The following CDH4 variants were observed in gnomAD, a reference collection of about 807,000 sequenced individuals.
CDH4 encodes the protein cadherin 4, also known as cadherin-4.
A neutral mutation model predicts 86.0 loss-of-function variants in CDH4; 33 were observed. The ratio of observed to expected loss-of-function variants is 0.38; its 90% confidence interval spans 0.29 to 0.51. CDH4 has a LOEUF of 0.51. Among genes scored for constraint, CDH4 ranks in the 20% least tolerant of loss-of-function variants. CDH4 has a pLI of 0.86. For missense variants in CDH4, 1,114 were observed against 1,307.4 expected (o/e 0.85, Z 2.28); for synonymous variants, 555 against 549.4 (o/e 1.01, Z -0.14).
intron 2 of CDH4, among the ~76,000 whole-genome samples, chr20:61,737,082 C>T (rs1232294606): frequency 3.3e-5 from 5 of 152,132 alleles, no homozygotes; most frequent in Non-Finnish European, 7.4e-5. Context: ...CCTCAGCATT[C>T]GTTGCTCCTC....
At chr20:61,448,854 A>T (rs2085365817) in intron 2 of CDH4, among the ~76,000 whole-genome samples, 2 of 152,084 alleles carry the variant, frequency 1.3e-5, no homozygotes, top group South Asian at 4.2e-4. Flanking sequence ...GAGGTTAGTG[A>T]TGGGGAAATA....
chr20:61,819,022 C>A (rs561536231), intron 4 of CDH4, among the ~76,000 whole-genome samples: 1 of 152,332 alleles, frequency 6.6e-6, no homozygotes, highest in African/African-American at 2.4e-5. Context: ...CTGAGGTGGG[C>A]AGCACGGCAG....
intron 4 of CDH4, among the ~76,000 whole-genome samples, chr20:61,787,272 AG>A (rs1476098641): frequency 6.6e-6 from 1 of 152,252 alleles, no homozygotes; most frequent in Non-Finnish European, 1.5e-5. Flanking sequence ...TAAAGGAAAG[AG>A]GTTTAATTGA....
At chr20:61,580,722 CA>C (rs937828762) in intron 2 of CDH4, among the ~76,000 whole-genome samples, 2 of 152,140 alleles carry the variant, frequency 1.3e-5, no homozygotes, top group Non-Finnish European at 2.9e-5. Context: ...TCTTTGTTTC[CA>C]GACCACCACT....
intron 2 of CDH4, among the ~76,000 whole-genome samples, chr20:61,603,716 T>C (rs1191423095): frequency 6.6e-6 from 1 of 152,192 alleles, no homozygotes; most frequent in Admixed American, 6.5e-5. Flanking sequence ...GGGGTGCCAG[T>C]GGAGGCTTCC....
chr20:61,732,343 C>G (rs976108463), intron 2 of CDH4, among the ~76,000 whole-genome samples: 3 of 152,112 alleles, frequency 2.0e-5, no homozygotes, highest in African/African-American at 7.2e-5. Flanking sequence ...TCCCAGCTCT[C>G]CAACCTACAA....
chr20:61,842,269 G>C (rs892793247), intron 4 of CDH4, among the ~76,000 whole-genome samples: 7 of 152,212 alleles, frequency 4.6e-5, no homozygotes, highest in African/African-American at 1.7e-4. Flanking sequence ...GCTTCTGCTG[G>C]CTGGCATCTC....
chr20:61,874,130 C>T (rs781011709), intron 7 of CDH4, among the ~76,000 whole-genome samples: 1 of 152,136 alleles, frequency 6.6e-6, no homozygotes, highest in South Asian at 2.1e-4. Flanking sequence ...CCAGCTGGTG[C>T]GTGTGGCTAT....
chr20:61,680,155 A>G (rs1444753643), intron 2 of CDH4, among the ~76,000 whole-genome samples: 2 of 151,644 alleles, frequency 1.3e-5, no homozygotes, highest in African/African-American at 4.9e-5. Flanking sequence ...ACCCAGCACC[A>G]CCTCCCCAGG....
At chr20:61,421,711 TC>T (rs2085178661) in intron 2 of CDH4, among the ~76,000 whole-genome samples, 1 of 152,160 alleles carries the variant, frequency 6.6e-6, no homozygotes, top group African/African-American at 2.4e-5. Context: ...GTGAGTCTTC[TC>T]CCCCTGCCGG....
At position 61,936,773 on chromosome 20, in the gene CDH4, C is replaced by G; in HGVS notation, c.2581C>G (p.Pro861Ala). ...TGCTGACAACGACCCCACGGCACCCCCCTATGACTCCCTGCTGGTCTTCGA... is the reference window on the plus strand; with the variant it reads ...TGCTGACAACGACCCCACGGCACCCGCCTATGACTCCCTGCTGGTCTTCGA... ...RAADNDPTAP[P>A]YDSLLVFDYE... Residue 861 changes from proline to alanine, a missense_variant, in exon 16 of 16, where the codon CCC becomes GCC. By Grantham distance (27) the Pro-to-Ala change is conservative. This residue lies in a region of CDH4 where 188 missense variants were observed against 183.8 expected (regional missense o/e 1.02). Transcript: ENST00000614565. The G allele has an allele frequency of 9.3e-6, 15 of 1,609,694 alleles. No homozygotes were observed. The highest frequency in any genetic ancestry group is 1.3e-5 in the Non-Finnish European group (15 of 1,178,738).
intron 2 of CDH4, among the ~76,000 whole-genome samples, chr20:61,428,349 A>T (rs918984562): frequency 6.6e-6 from 1 of 152,162 alleles, no homozygotes; most frequent in Admixed American, 6.5e-5. Flanking sequence ...CTACTCATGG[A>T]TGTCTCCCTA....
At position 61,376,839 on chromosome 20, in the gene CDH4, G is replaced by A. The variant is rs183049940; in HGVS notation, c.169+121902G>A. Among the ~76,000 whole-genome samples the A allele has an allele frequency of 4.9e-3, 747 of 152,320 alleles. 9 individuals are homozygous for A. The highest frequency in any genetic ancestry group is 0.012 in the South Asian group (57 of 4,830). ...GCCGGTGGCCAAGATCATTGGCACC[G>A]GGAGGCACTACCTACACCACCTCTC... On this transcript the variant is annotated intron_variant, in intron 2 of 15. Coordinates refer to ENST00000614565, the MANE Select transcript of CDH4 (RefSeq NM_001794.5).
At chr20:61,666,435 A>G (rs2087325189) in intron 2 of CDH4, among the ~76,000 whole-genome samples, 1 of 152,242 alleles carries the variant, frequency 6.6e-6, no homozygotes, top group Admixed American at 6.5e-5. Flanking sequence ...AGCCAATCCC[A>G]CTGGCAGTGC....
At chr20:61,554,933 A>C (rs752009970) in intron 2 of CDH4, among the ~76,000 whole-genome samples, 14 of 152,252 alleles carry the variant, frequency 9.2e-5, no homozygotes, top group African/African-American at 1.2e-4. Context: ...TCGTGTGTGC[A>C]TGCATTCTTG....
chr20:61,565,222 AGGTGGTGGTGG>A (rs2086268665), intron 2 of CDH4, among the ~76,000 whole-genome samples: 13 of 10,688 alleles, frequency 1.2e-3, no homozygotes, highest in Non-Finnish European at 1.4e-3. Context: ...TCTCGGTGGT[AGGTGGTGGTGG>A]TGGTGGTGGC....
At position 61,582,611 on chromosome 20, in the gene CDH4, C is replaced by T. The variant is rs184340163; in HGVS notation, c.170-160952C>T. ...TGAGAGCTGCACCTAGAGCTTCTTC[C>T]GTCCCCTGCAGGGCCTGGTGCGGTG... On this transcript the variant is annotated intron_variant, in intron 2 of 15. Transcript: ENST00000614565. This position sits in a 1 kb window ranked among gnomAD's most constrained non-coding sequence, Gnocchi z 4.2. Among the ~76,000 whole-genome samples the T allele has an allele frequency of 4.6e-5, 7 of 152,276 alleles. No individual in the cohort carries two copies. In the East Asian group the frequency reaches 9.7e-4, roughly 21 times the overall value.
At chr20:61,541,182 G>C (rs2086036769) in intron 2 of CDH4, among the ~76,000 whole-genome samples, 1 of 152,164 alleles carries the variant, frequency 6.6e-6, no homozygotes, top group Non-Finnish European at 1.5e-5. Context: ...TATCTGCCCA[G>C]GTTATTAATA....
At chr20:61,605,492 TC>T (rs1384654244) in intron 2 of CDH4, among the ~76,000 whole-genome samples, 1 of 151,722 alleles carries the variant, frequency 6.6e-6, no homozygotes, top group Non-Finnish European at 1.5e-5. Context: ...CCTGTCTCTC[TC>T]CCCCCATGTC....
Sources: allele counts gnomAD v4.1 joint callset (sites outside exome capture counted in the v4.1 genomes callset), GRCh38; gene constraint gnomAD v4.1.1; regional missense constraint gnomAD v4.1.1; non-coding constraint Gnocchi (gnomAD v3.1); transcripts MANE v1.5; gene names NCBI Gene and HGNC (gene_info 2026-07-23, HGNC 2026-07-21).